Variants in WDR43 observed in about 807,000 individuals in gnomAD.
The protein encoded by WDR43 is WD repeat-containing protein 43.
Under a neutral mutation model 91.4 loss-of-function variants are expected in WDR43, and 13 were observed. The observed-to-expected ratio is 0.14, with a 90% CI of 0.09 to 0.23. WDR43 has a LOEUF of 0.23. Ranked by LOEUF, WDR43 falls within the 10% of genes least tolerant of loss-of-function variation. The pLI is 1.00. For missense variants in WDR43, 780 were observed against 809.4 expected, an observed-to-expected ratio of 0.96 and a Z score of 0.44; for synonymous variants, 331 against 287.9, an observed-to-expected ratio of 1.15 and a Z score of -1.51.
At position 28,941,459 on chromosome 2, in the gene WDR43, A is replaced by T. The variant is rs1572604903; in HGVS notation, c.1621-2A>T. On this transcript the variant is annotated splice_acceptor_variant, in intron 14 of 17. Transcript: ENST00000407426. LOFTEE classifies it high-confidence loss of function. ...GTGCCAAATGATCATTTTTTTCTCTAGTTGCCTGACCTGGTACCCCAGCTG... is the reference window on the plus strand; with the variant it reads ...GTGCCAAATGATCATTTTTTTCTCTTGTTGCCTGACCTGGTACCCCAGCTG... 6.2e-7 allele frequency: 1 copy of T among 1,607,632 alleles called. No individual in the cohort carries two copies.
chr2:28,907,945 G>A (rs1057048847), intron 3 of WDR43, among the ~76,000 whole-genome samples: 5 of 151,888 alleles, frequency 3.3e-5, no homozygotes, highest in African/African-American at 4.8e-5. Context: ...CTGGGATAGA[G>A]TATTCAGAGT....
chr2:28,916,307 G>A (rs1472872035), intron 5 of WDR43, among the ~76,000 whole-genome samples: 6 of 151,992 alleles, frequency 3.9e-5, no homozygotes, highest in South Asian at 2.1e-4. Context: ...ATAGGTGTAC[G>A]TTTAGCTTTT....
chr2:28,946,691 A>C lies in WDR43; in HGVS notation c.1946A>C (p.Glu649Ala). The C allele has an allele frequency of 1.3e-6, 2 of 1,574,800 alleles. No homozygotes were observed. Among genetic ancestry groups the C allele is most frequent in the African/African-American group, 2.7e-5 (2 of 74,106 alleles). The change falls in exon 18 of 18, where the codon GAA becomes GCA. Residue 649 changes from glutamate (E) to alanine (A), a missense_variant. Glu to Ala is a moderately radical substitution (Grantham distance 107, BLOSUM62 -1). This residue lies in a region of WDR43 where 426 missense variants were observed against 467.8 expected (regional missense o/e 0.91). Coordinates refer to ENST00000407426, the MANE Select transcript of WDR43 (RefSeq NM_015131.3). ...GAGGATGCCGAAGGAAAAGATGAAG[A>C]AAATGGCGAGGACAGAGATACAGCA... ...EDEDAEGKDE[E>A]NGEDRDTASE...
chr2:28,914,683 C>G (rs1390632674), intron 5 of WDR43, among the ~76,000 whole-genome samples: 2 of 152,186 alleles, frequency 1.3e-5, no homozygotes, highest in African/African-American at 4.8e-5. Context: ...GTCATCCCAG[C>G]ACTTTGGGAG....
intron 14 of WDR43, among the ~76,000 whole-genome samples, chr2:28,940,196 AG>A (rs1229853962): frequency 6.8e-6 from 1 of 147,590 alleles, no homozygotes; most frequent in Non-Finnish European, 1.5e-5. Flanking sequence ...TCACGGGGGT[AG>A]GGGGTGAGGT....
chr2:28,944,869 C>A (rs1671513726), intron 16 of WDR43, among the ~76,000 whole-genome samples: 1 of 152,206 alleles, frequency 6.6e-6, no homozygotes, highest in African/African-American at 2.4e-5. Flanking sequence ...CCAGGCGGAG[C>A]CAGATAGCAC....
intron 1 of WDR43, among the ~76,000 whole-genome samples, chr2:28,896,303 T>C (rs906944059): frequency 6.6e-6 from 1 of 152,206 alleles, no homozygotes; most frequent in Non-Finnish European, 1.5e-5. Flanking sequence ...ATAGTGGTAA[T>C]TGCCCCTCTG....
chr2:28,930,138 C>T (rs963429868), intron 11 of WDR43: 5 of 470,454 alleles, frequency 1.1e-5, no homozygotes, highest in Non-Finnish European at 1.3e-5. Flanking sequence ...TGAGGTGGAA[C>T]CTTGGCAATG....
In WDR43 at chr2:28,906,598, G is replaced by T. The variant is rs774452883; in HGVS notation, c.485+17G>T. 1.7e-5 allele frequency: 27 copies of T among 1,608,046 alleles called. No individual in the cohort carries two copies. The highest frequency in any genetic ancestry group is 2.1e-5 in the Non-Finnish European group (25 of 1,176,918). ...AGTAAAGTGGTGAGTAACATTCATG[G>T]TATCAGGAAATGCAATAGACGTGGA... On this transcript the variant is annotated intron_variant, in intron 3 of 17. Transcript: ENST00000407426.
At chr2:28,922,850 T>C in intron 6 of WDR43, 69 bp from the exon 7 acceptor site, 2 of 1,224,540 alleles carry the variant, frequency 1.6e-6, no homozygotes, top group Non-Finnish European at 2.2e-6. Context: ...ACAGCTGAGT[T>C]TTCATAAGGT....
rs1255178029 is a variant in WDR43 at position 28,894,718 on chromosome 2, G to T, written c.20G>T (p.Gly7Val). MAAGGG[G>V]SCDPLAPAGV... ...GCAGCAATGGCGGCGGGCGGCGGCG[G>T]TAGCTGCGACCCCCTGGCCCCTGCT... is the stretch of plus-strand genomic sequence containing the variant. Residue 7 changes from glycine (G) to valine (V), a missense_variant, in exon 1 of 18, where the codon GGT (glycine) becomes GTT (valine). This residue lies in a region of WDR43 where 175 missense variants were observed against 113.8 expected (regional missense o/e 1.54). Transcript: ENST00000407426. 2 of 1,565,534 alleles carry T rather than the reference G, an allele frequency of 1.3e-6. No homozygotes were observed. Among genetic ancestry groups the T allele is most frequent in the Non-Finnish European group, 8.6e-7 (1 of 1,156,498 alleles).
chr2:28,924,117 G>A (rs1050776686), intron 7 of WDR43, among the ~76,000 whole-genome samples: 8 of 152,174 alleles, frequency 5.3e-5, no homozygotes, highest in Non-Finnish European at 1.2e-4. Flanking sequence ...AATAAGATGC[G>A]TAGGGTGTGA....
intron 7 of WDR43, among the ~76,000 whole-genome samples, chr2:28,923,799 G>A (rs1671080292): frequency 6.6e-6 from 1 of 152,088 alleles, no homozygotes; most frequent in South Asian, 2.1e-4. Context: ...TACCTGGAAT[G>A]TATAATTGAG....
At chr2:28,943,105 G>C (rs190795493) in intron 16 of WDR43, among the ~76,000 whole-genome samples, 14 of 152,194 alleles carry the variant, frequency 9.2e-5, no homozygotes, top group African/African-American at 3.4e-4. Flanking sequence ...ATATTTTGAA[G>C]GTTATTTGAT....
intron 6 of WDR43, among the ~76,000 whole-genome samples, chr2:28,920,634 A>G (rs922998835): frequency 1.3e-5 from 2 of 152,156 alleles, no homozygotes; most frequent in Non-Finnish European, 2.9e-5. Context: ...TGGAGTAGCA[A>G]AACTTGCCAC....
At chr2:28,928,756 A>T (rs1224897117) in intron 10 of WDR43, among the ~76,000 whole-genome samples, 2 of 152,106 alleles carry the variant, frequency 1.3e-5, no homozygotes, top group African/African-American at 4.8e-5. Context: ...ATCTTGGCTC[A>T]CTGCAACCTC....
rs1171800726 is a variant in WDR43 at position 28,947,331 on chromosome 2, CTG to C, written c.*555_*556del. On this transcript the variant is annotated 3_prime_UTR_variant, in exon 18 of 18. Coordinates refer to ENST00000407426, the MANE Select transcript of WDR43 (RefSeq NM_015131.3). ...TCAGTATCCCTAGCTTGTCTATTAACTGTGATAATCTGACTTGAGTCAGATTG... is the reference window on the plus strand; with the variant it reads ...TCAGTATCCCTAGCTTGTCTATTAACTGATAATCTGACTTGAGTCAGATTG... The C allele has an allele frequency of 6.6e-6, 1 of 152,144 alleles. No individual in the cohort carries two copies. Among genetic ancestry groups the C allele is most frequent in the African/African-American group, 2.4e-5 (1 of 41,420 alleles). 9.4% of individuals were successfully genotyped at this position (152,144 alleles called of 1,614,324 possible). A position where few individuals can be genotyped will look rare whatever the true frequency, so the allele number is the denominator to read the frequency against.
chr2:28,914,063 C>T lies in WDR43; in HGVS notation c.607-6C>T, dbSNP rs772519651. ...GCTCTCCTAACTGAGATTTAACTTT[C>T]TCTAGCATTTCACAGGACATGCAAC... is the stretch of plus-strand genomic sequence containing the variant. On this transcript the variant is annotated splice_region_variant and splice_polypyrimidine_tract_variant and intron_variant, in intron 4 of 17. Transcript: ENST00000407426. The T allele has an allele frequency of 6.2e-7, 1 of 1,611,182 alleles. No homozygotes were observed. The highest frequency in any genetic ancestry group is 8.5e-7 in the Non-Finnish European group (1 of 1,178,104).
intron 1 of WDR43, among the ~76,000 whole-genome samples, chr2:28,895,539 C>T (rs1223070421): frequency 1.3e-5 from 2 of 152,084 alleles, no homozygotes; most frequent in African/African-American, 4.8e-5. Flanking sequence ...AACATCTGCT[C>T]GCCCCTCCCG....
Sources: allele counts gnomAD v4.1 joint callset (sites outside exome capture counted in the v4.1 genomes callset), GRCh38; gene constraint gnomAD v4.1.1; regional missense constraint gnomAD v4.1.1; transcripts MANE v1.5; gene names NCBI Gene and HGNC (gene_info 2026-07-23, HGNC 2026-07-21).